Variants in FMNL3 observed in about 807,000 individuals in gnomAD.
FMNL3 encodes formin-like protein 3.
Under a neutral mutation model 119.6 loss-of-function variants are expected in FMNL3, and 57 were observed. That is an observed-to-expected ratio of 0.48 (90% CI 0.39 to 0.59). The LOEUF (loss-of-function observed/expected upper bound fraction) is 0.59. FMNL3 is among the 20% of genes least tolerant of loss of function. The pLI, the probability that FMNL3 is intolerant of heterozygous loss-of-function variation, is 0.00. For synonymous variants in FMNL3, 491 were observed against 507.3 expected, an observed-to-expected ratio of 0.97 and a Z score of 0.43; for missense variants, 1,053 against 1,323.5, an observed-to-expected ratio of 0.80 and a Z score of 3.17.
intron 13 of FMNL3, among the ~76,000 whole-genome samples, chr12:49,652,538 G>T (rs1443241085): frequency 6.6e-6 from 1 of 152,118 alleles, no homozygotes; most frequent in Non-Finnish European, 1.5e-5. Context: ...CTGACATAGC[G>T]GCTCTCTCCA....
chr12:49,659,559 T>C (rs1565875691), intron 5 of FMNL3, among the ~76,000 whole-genome samples: 1 of 152,126 alleles, frequency 6.6e-6, no homozygotes, highest in Non-Finnish European at 1.5e-5. Context: ...TACAGGTGCG[T>C]GCCACCATGC....
At chr12:49,659,679 T>G in intron 5 of FMNL3, 5 of 792,786 alleles carry the variant, frequency 6.3e-6, no homozygotes, top group Non-Finnish European at 7.6e-6. Context: ...CTCCCAAAGC[T>G]CTGGGATTAC....
chr12:49,644,422 G>T lies in FMNL3; in HGVS notation c.*1393C>A, dbSNP rs1193873803. 3.6e-6 allele frequency: 2 copies of T among 559,184 alleles called. No individual in the cohort carries two copies. Among genetic ancestry groups the T allele is most frequent in the Non-Finnish European group, 6.5e-6 (2 of 308,800 alleles). The allele number at this position is 559,184 out of a possible 1,614,324, so 34.6% of individuals were successfully genotyped here. On this transcript the variant is annotated 3_prime_UTR_variant, in exon 26 of 26. Transcript: ENST00000335154. ...GCCCTCAGCCCCAGACCAGAGATGG[G>T]TGGTATATGCCATGTGGGGTGGGTG... is the stretch of plus-strand genomic sequence containing the variant.
chr12:49,637,419 G>A lies in FMNL3; in HGVS notation c.*8396C>T. 7.7e-7 allele frequency: 1 copy of A among 1,296,638 alleles called. No homozygotes were observed. The highest frequency in any genetic ancestry group is 1.2e-5 in the South Asian group (1 of 83,654). 80.3% of individuals were successfully genotyped at this position (1,296,638 alleles called of 1,614,324 possible). ...TTCCCTCTCTTCCCCCTCAGTCTGTGGCTCTGCCTCCCTGTCTCACTCTCC... is the reference window on the plus strand; with the variant it reads ...TTCCCTCTCTTCCCCCTCAGTCTGTAGCTCTGCCTCCCTGTCTCACTCTCC... On this transcript the variant is annotated 3_prime_UTR_variant, in exon 26 of 26. Transcript: ENST00000335154.
chr12:49,658,910 C>T (rs1042063071), intron 5 of FMNL3, among the ~76,000 whole-genome samples: 2 of 152,202 alleles, frequency 1.3e-5, no homozygotes, highest in Non-Finnish European at 2.9e-5. Flanking sequence ...CCCCATGGGC[C>T]ACTCGGGAGC....
At chr12:49,687,959 C>A (rs1007547562) in intron 1 of FMNL3, among the ~76,000 whole-genome samples, 5 of 152,196 alleles carry the variant, frequency 3.3e-5, no homozygotes, top group Non-Finnish European at 4.4e-5. Context: ...TGGAACAGCA[C>A]CCAGGGAGGA....
Position 49,654,278 on chromosome 12 carries a change from T to C in FMNL3, c.985A>G (p.Ile329Val), listed in dbSNP as rs1943501924. Residue 329 changes from isoleucine (I) to valine (V), a missense_variant, in exon 11 of 26, where the codon ATC becomes GTC. Transcript: ENST00000335154. Reference sequence around the variant, plus strand: ...ATGTCCTCCACCGAGTGCACCACGATGTTGATGAACTGCATGCAGGCCACC... The same window carrying C: ...ATGTCCTCCACCGAGTGCACCACGACGTTGATGAACTGCATGCAGGCCACC... ...FMVACMQFINIVVHSVEDMNF... is the reference protein window; with the variant it reads ...FMVACMQFINVVVHSVEDMNF... The C allele has an allele frequency of 6.2e-7, 1 of 1,613,662 alleles. No individual in the cohort carries two copies. The highest frequency in any genetic ancestry group is 8.5e-7 in the Non-Finnish European group (1 of 1,179,930).
intron 9 of FMNL3, 53 bp from the exon 10 acceptor site, chr12:49,655,037 C>G: frequency 1.9e-6 from 3 of 1,540,986 alleles, no homozygotes; most frequent in South Asian, 2.3e-5. Flanking sequence ...AGAACCCAAG[C>G]CCCTGCGCTC....
chr12:49,665,958 T>C (rs1943879328), intron 3 of FMNL3, 50 bp from the exon 4 acceptor site: 2 of 1,592,882 alleles, frequency 1.3e-6, no homozygotes, highest in Admixed American at 3.3e-5. Flanking sequence ...AGTTATAGAC[T>C]TTCCCTCCAT....
intron 1 of FMNL3, 26 bp downstream of exon 1, chr12:49,707,029 G>A (rs774049302): frequency 1.9e-6 from 3 of 1,561,260 alleles, no homozygotes; most frequent in South Asian, 1.2e-5. Flanking sequence ...CGGTACGCGG[G>A]GGAAGGGGCT....
chr12:49,699,557 C>G, intron 1 of FMNL3, among the ~76,000 whole-genome samples: 1 of 152,158 alleles, frequency 6.6e-6, no homozygotes, highest in African/African-American at 2.4e-5. Context: ...GATAAAGTAG[C>G]AGGAAGAAAG....
chr12:49,669,831 CAACAAAACAA>C (rs58452472), intron 1 of FMNL3, among the ~76,000 whole-genome samples: 8,505 of 147,668 alleles, frequency 0.058, 293 homozygotes, highest in Non-Finnish European at 0.076. Context: ...GATTCTATCT[CAACAAAACAA>C]AACAAAACAA....
rs1424740952 is a variant in FMNL3 at position 49,649,041 on chromosome 12, T to C, written c.2503A>G (p.Lys835Glu). The C allele has an allele frequency of 3.8e-6, 6 of 1,599,436 alleles. No homozygotes were observed. Among genetic ancestry groups the C allele is most frequent in the Non-Finnish European group, 5.1e-6 (6 of 1,172,790 alleles). Residue 835 changes from lysine to glutamate, a missense_variant, in exon 21 of 26, where the codon AAG (lysine) becomes GAG (glutamate). By Grantham distance (56) the Lys-to-Glu change is moderately conservative (BLOSUM62 1). Coordinates refer to ENST00000335154, the MANE Select transcript of FMNL3 (RefSeq NM_175736.5). The surrounding 1 kb of genome is among the most constrained non-coding windows in gnomAD (Gnocchi z 5.6). ...NFWHELHFVEKAAAVSLENVL... is the reference protein window; with the variant it reads ...NFWHELHFVEEAAAVSLENVL... Reference sequence around the variant, plus strand: ...AGGCTCTCCTCACCTGCTGCAGCCTTCTCAACAAAGTGCAGCTCATGCCAG... The same window carrying C: ...AGGCTCTCCTCACCTGCTGCAGCCTCCTCAACAAAGTGCAGCTCATGCCAG...
In FMNL3 at chr12:49,639,234, C is replaced by T. The variant is rs1453936691; in HGVS notation, c.*6581G>A. 1.3e-5 allele frequency: 2 copies of T among 152,122 alleles called. No homozygotes were observed. Among genetic ancestry groups the T allele is most frequent in the Non-Finnish European group, 2.9e-5 (2 of 68,024 alleles). The allele number at this position is 152,122 out of a possible 1,614,324, so 9.4% of individuals were successfully genotyped here. A position where few individuals can be genotyped will look rare whatever the true frequency, so the allele number is the denominator to read the frequency against. On this transcript the variant is annotated 3_prime_UTR_variant, in exon 26 of 26. Coordinates refer to ENST00000335154, the MANE Select transcript of FMNL3 (RefSeq NM_175736.5). ...TATGTCCTTAGGGAAGGTGGTGGTGCTAGGTAGAGCAGTTCTTGAAGCCTC... is the reference window on the plus strand; with the variant it reads ...TATGTCCTTAGGGAAGGTGGTGGTGTTAGGTAGAGCAGTTCTTGAAGCCTC...
At chr12:49,700,391 CAAAA>C (rs11456820) in intron 1 of FMNL3, among the ~76,000 whole-genome samples, 3 of 56,420 alleles carry the variant, frequency 5.3e-5, no homozygotes, top group African/African-American at 1.2e-4. Flanking sequence ...GAATCCGTCT[CAAAA>C]AAAAAAAAAA....
chr12:49,684,677 A>G (rs1944414071), intron 1 of FMNL3, among the ~76,000 whole-genome samples: 1 of 152,212 alleles, frequency 6.6e-6, no homozygotes, highest in Non-Finnish European at 1.5e-5. Context: ...CATGCCAGCA[A>G]TAATTAAACA....
Position 49,693,634 on chromosome 12 carries a change from TGG to T in FMNL3, c.126+13419_126+13420del, listed in dbSNP as rs777274335. ...TCCACCCGCCTCAGCCTCCCAATCTTGGTTTTTTTTTTTTTTTTTTTTTTTTT... is the reference window on the plus strand; with the variant it reads ...TCCACCCGCCTCAGCCTCCCAATCTTTTTTTTTTTTTTTTTTTTTTTTTTT... On this transcript the variant is annotated intron_variant, in intron 1 of 25. Coordinates refer to ENST00000335154, the MANE Select transcript of FMNL3 (RefSeq NM_175736.5). Among the ~76,000 whole-genome samples, 41 of 69,784 alleles carry T rather than the reference TGG, an allele frequency of 5.9e-4. 1 individual carries two copies. The highest frequency in any genetic ancestry group is 1.4e-3 in the African/African-American group (23 of 16,250). The allele number at this position is 69,784 out of a possible 152,430, so 45.8% of individuals were successfully genotyped here. A position where few individuals can be genotyped will look rare whatever the true frequency, so the allele number is the denominator to read the frequency against.
At chr12:49,694,522 A>G (rs956674293) in intron 1 of FMNL3, among the ~76,000 whole-genome samples, 1 of 152,150 alleles carries the variant, frequency 6.6e-6, no homozygotes, top group Admixed American at 6.5e-5. Flanking sequence ...AACCCTGTAA[A>G]ATGCCTTCCA....
At chr12:49,672,129 C>A (rs1944061850) in intron 1 of FMNL3, among the ~76,000 whole-genome samples, 1 of 152,206 alleles carries the variant, frequency 6.6e-6, no homozygotes, top group Non-Finnish European at 1.5e-5. Context: ...TCCGAGGGAC[C>A]TGCCCTCTTG....
Sources: allele counts gnomAD v4.1 joint callset (sites outside exome capture counted in the v4.1 genomes callset), GRCh38; gene constraint gnomAD v4.1.1; non-coding constraint Gnocchi (gnomAD v3.1); transcripts MANE v1.5; gene names NCBI Gene and HGNC (gene_info 2026-07-23, HGNC 2026-07-21).